The following NOS1AP variants were observed in gnomAD, a reference collection of about 807,000 sequenced individuals.
NOS1AP encodes nitric oxide synthase 1 adaptor protein, also known as carboxyl-terminal PDZ ligand of neuronal nitric oxide synthase protein.
A neutral mutation model predicts 56.2 loss-of-function variants in NOS1AP; 21 were observed. The observed-to-expected ratio is 0.37, with a 90% CI of 0.26 to 0.54. The LOEUF is 0.54. NOS1AP is among the 20% of genes least tolerant of loss of function. The probability of loss-of-function intolerance (pLI) is 0.84; values close to 1 mark genes in which losing one functional copy is unlikely to be tolerated. For missense variants in NOS1AP, 522 were observed against 657.8 expected, an observed-to-expected ratio of 0.79 and a Z score of 2.26; for synonymous variants, 270 against 274.6, an observed-to-expected ratio of 0.98 and a Z score of 0.17.
intron 1 of NOS1AP, among the ~76,000 whole-genome samples, chr1:162,129,566 C>G (rs1312848373): frequency 6.6e-6 from 1 of 152,210 alleles, no homozygotes; most frequent in Non-Finnish European, 1.5e-5. Context: ...GTTTCATTAG[C>G]AAATCGTACA....
intron 1 of NOS1AP, among the ~76,000 whole-genome samples, chr1:162,154,021 G>A (rs1557807076): frequency 6.7e-6 from 1 of 148,940 alleles, no homozygotes; most frequent in Non-Finnish European, 1.5e-5. Flanking sequence ...CTTTTGTGTA[G>A]GACATTTTAT....
chr1:162,094,610 G>T (rs1692198327), intron 1 of NOS1AP, among the ~76,000 whole-genome samples: 1 of 152,200 alleles, frequency 6.6e-6, no homozygotes, highest in Non-Finnish European at 1.5e-5. Flanking sequence ...CCTGAACCTG[G>T]CTGGGAAGTG....
intron 1 of NOS1AP, among the ~76,000 whole-genome samples, chr1:162,108,427 G>T (rs1312024442): frequency 1.3e-5 from 2 of 152,128 alleles, no homozygotes; most frequent in East Asian, 3.8e-4. Flanking sequence ...AGTCACTTTT[G>T]CAGGATGCTA....
chr1:162,189,706 G>A (rs955706623), intron 2 of NOS1AP, among the ~76,000 whole-genome samples: 1 of 152,184 alleles, frequency 6.6e-6, no homozygotes, highest in African/African-American at 2.4e-5. Flanking sequence ...ATAAAATAAA[G>A]AGAAAATAAA....
intron 2 of NOS1AP, 79 bp from the exon 3 acceptor site, chr1:162,287,265 G>A: frequency 9.6e-7 from 1 of 1,046,196 alleles, no homozygotes; most frequent in South Asian, 1.3e-5. Context: ...CTTTTTTCCA[G>A]GCATGGGCTA....
rs1650645635 is a variant in NOS1AP, at chr1:162,169,158, T to A, written c.177+14682T>A. Among the ~76,000 whole-genome samples, 2 of 152,272 alleles carry A rather than the reference T, an allele frequency of 1.3e-5. 1 individual carries two copies. Among genetic ancestry groups the A allele is most frequent in the South Asian group, 4.1e-4 (2 of 4,834 alleles). ...GGGCTTTGCAGCAGCTCTCTGCCTT[T>A]CCTTGCCAAATGACCCTATTTGATC... On this transcript the variant is annotated intron_variant, in intron 2 of 9. Coordinates refer to ENST00000361897, the MANE Select transcript of NOS1AP (RefSeq NM_014697.3).
intron 2 of NOS1AP, among the ~76,000 whole-genome samples, chr1:162,205,719 T>C (rs2102171359): frequency 6.6e-6 from 1 of 152,316 alleles, no homozygotes; most frequent in East Asian, 1.9e-4. Flanking sequence ...ATTGTAGCTG[T>C]CTTGCTGTAG....
chr1:162,339,148 C>A (rs192143347), intron 5 of NOS1AP, among the ~76,000 whole-genome samples: 1 of 152,168 alleles, frequency 6.6e-6, no homozygotes, highest in Non-Finnish European at 1.5e-5. Flanking sequence ...AGTTGACACT[C>A]CCATGAGCAG....
intron 2 of NOS1AP, among the ~76,000 whole-genome samples, chr1:162,155,310 GTATATA>G (rs770493304): frequency 7.1e-6 from 1 of 141,184 alleles, no homozygotes; most frequent in African/African-American, 2.6e-5. Flanking sequence ...ATATGTATGT[GTATATA>G]TATATGTATG....
intron 2 of NOS1AP, among the ~76,000 whole-genome samples, chr1:162,257,648 C>CAAA (rs548538740): frequency 7.8e-6 from 1 of 128,654 alleles, no homozygotes; most frequent in Non-Finnish European, 1.7e-5. Context: ...GACTCCATCT[C>CAAA]AAAAAAAAAA....
At chr1:162,211,710 A>C (rs957108112) in intron 2 of NOS1AP, among the ~76,000 whole-genome samples, 1 of 151,634 alleles carries the variant, frequency 6.6e-6, no homozygotes, top group Non-Finnish European at 1.5e-5. Context: ...ACTGTTTGAG[A>C]CCCTGGGGGA....
chr1:162,304,619 T>C (rs1423751845), intron 4 of NOS1AP, among the ~76,000 whole-genome samples: 1 of 152,202 alleles, frequency 6.6e-6, no homozygotes, highest in Non-Finnish European at 1.5e-5. Context: ...TCTCTGATTG[T>C]TGATAGTCTT....
chr1:162,305,899 T>C (rs1286061030), intron 4 of NOS1AP, among the ~76,000 whole-genome samples: 1 of 152,250 alleles, frequency 6.6e-6, no homozygotes, highest in Non-Finnish European at 1.5e-5. Context: ...TTCTTTGTTT[T>C]TTAGCCTAAA....
chr1:162,319,549 G>C (rs1288052707), intron 4 of NOS1AP, among the ~76,000 whole-genome samples: 1 of 151,840 alleles, frequency 6.6e-6, no homozygotes, highest in Non-Finnish European at 1.5e-5. Context: ...GGCAAACTGT[G>C]CTACCTCATG....
rs116313214 is a variant in NOS1AP, at chr1:162,116,765, G to A, written c.106-37640G>A. Reference sequence around the variant, plus strand: ...TTTGTTGACTTTGATGCAGATTCAGGATGGGTGGGTGTCTTAGAAGTTACT... The same window carrying A: ...TTTGTTGACTTTGATGCAGATTCAGAATGGGTGGGTGTCTTAGAAGTTACT... On this transcript the variant is annotated intron_variant, in intron 1 of 9. Transcript: ENST00000361897. Among the ~76,000 whole-genome samples the A allele has an allele frequency of 3.2e-3, 493 of 152,264 alleles. 6 individuals are homozygous for A. Among genetic ancestry groups the A allele is most frequent in the African/African-American group, 0.011 (475 of 41,568 alleles).
intron 1 of NOS1AP, among the ~76,000 whole-genome samples, chr1:162,100,676 G>A (rs549004242): frequency 6.6e-6 from 1 of 150,436 alleles, no homozygotes; most frequent in East Asian, 2.0e-4. Context: ...TGTTGCCATT[G>A]CTTTTGGTGT....
At chr1:162,165,641 G>A (rs1383705989) in intron 2 of NOS1AP, among the ~76,000 whole-genome samples, 1 of 152,122 alleles carries the variant, frequency 6.6e-6, no homozygotes, top group African/African-American at 2.4e-5. Flanking sequence ...CAAGACTCCA[G>A]TCTGCTTACA....
chr1:162,244,860 T>C (rs1653609236), intron 2 of NOS1AP, among the ~76,000 whole-genome samples: 1 of 152,186 alleles, frequency 6.6e-6, no homozygotes, highest in African/African-American at 2.4e-5. Flanking sequence ...TTAGTGCATC[T>C]TTAGAGAAGA....
At chr1:162,159,411 A>G (rs1449365719) in intron 2 of NOS1AP, among the ~76,000 whole-genome samples, 1 of 152,218 alleles carries the variant, frequency 6.6e-6, no homozygotes, top group Non-Finnish European at 1.5e-5. Context: ...AAAACATTTT[A>G]TAAACCATAA....
Sources: gnomAD v4.1 joint callset for allele counts (sites outside exome capture counted in the v4.1 genomes callset) on GRCh38, gnomAD v4.1.1 for gene constraint, MANE v1.5 for transcripts, NCBI Gene and HGNC (gene_info 2026-07-23, HGNC 2026-07-21) for gene names.